SELENOO: variants seen among roughly 807,000 people sequenced by gnomAD.
The protein encoded by SELENOO is protein adenylyltransferase SelO, mitochondrial.
Under a neutral mutation model 58.7 loss-of-function variants are expected in SELENOO, and 74 were observed. The observed-to-expected ratio is 1.26, with a 90% confidence interval of 1.04 to 1.53. The LOEUF (loss-of-function observed/expected upper bound fraction) is 1.53. Ranked by LOEUF, SELENOO falls within the 40% of genes most tolerant of loss-of-function variation. The probability of loss-of-function intolerance (pLI) is 0.00; values close to 1 mark genes in which losing one functional copy is unlikely to be tolerated. For synonymous variants in SELENOO, 543 were observed against 453.2 expected (o/e 1.20, Z -2.52); for missense variants, 1,149 against 970.0 (o/e 1.18, Z -2.45).
At chr22:50,216,187 G>A (rs572140611) in intron 6 of SELENOO, among the ~76,000 whole-genome samples, 1 of 152,336 alleles carries the variant, frequency 6.6e-6, no homozygotes, top group African/African-American at 2.4e-5. Flanking sequence ...ATCTTCCAAA[G>A]GGAAGGGCTG....
rs1020455975 is a variant in SELENOO at position 50,210,842 on chromosome 22, C to G, written c.1282C>G (p.Leu428Val). 6.2e-7 allele frequency: 1 copy of G among 1,614,016 alleles called. No homozygotes were observed. Among genetic ancestry groups the G allele is most frequent in the Non-Finnish European group, 8.5e-7 (1 of 1,180,042 alleles). ...YLQKMRRKLG[L>V]VQVELEEDGA... Reference sequence around the variant, plus strand: ...GCAGAAGATGCGCAGGAAGCTGGGCCTCGTGCAGGTGGAGCTGGAGGAAGA... The same window carrying G: ...GCAGAAGATGCGCAGGAAGCTGGGCGTCGTGCAGGTGGAGCTGGAGGAAGA... Residue 428 changes from leucine to valine, a missense_variant, in exon 5 of 9, where the codon CTC becomes GTC. Leu to Val is a conservative substitution (Grantham distance 32, BLOSUM62 1). Coordinates refer to ENST00000380903, the MANE Select transcript of SELENOO (RefSeq NM_031454.2).
chr22:50,203,726 C>T (rs1391259217), intron 1 of SELENOO, among the ~76,000 whole-genome samples: 1 of 152,136 alleles, frequency 6.6e-6, no homozygotes, highest in African/African-American at 2.4e-5. Flanking sequence ...GACCAAAGAC[C>T]TAAACATAAG....
intron 1 of SELENOO, among the ~76,000 whole-genome samples, chr22:50,203,511 G>A (rs1263715424): frequency 6.6e-6 from 1 of 152,170 alleles, no homozygotes; most frequent in African/African-American, 2.4e-5. Flanking sequence ...GTATGGCATT[G>A]GCATAAGGAT....
chr22:50,209,836 C>T (rs956129370), intron 3 of SELENOO, among the ~76,000 whole-genome samples: 1 of 152,198 alleles, frequency 6.6e-6, no homozygotes, highest in African/African-American at 2.4e-5. Flanking sequence ...CCAGGATGGA[C>T]AGTGGCCTGG....
chr22:50,211,277 C>T (rs371715815), intron 5 of SELENOO, among the ~76,000 whole-genome samples: 1 of 152,186 alleles, frequency 6.6e-6, no homozygotes, highest in African/African-American at 2.4e-5. Context: ...CTGGCTGTTG[C>T]GTACGGTGCA....
In SELENOO at chr22:50,216,817, TGCGGCAGA is replaced by T. The variant is rs1394888877; in HGVS notation, c.1632_1639del (p.Leu547GlnfsTer8). ...AGCAGTCTCGGCTGGAGCAGCTGAG[TGCGGCAGA>T]GCTGCAGAGCAGGAACCAGGGCCAC... On this transcript the variant is annotated frameshift_variant, in exon 7 of 9. Coordinates refer to ENST00000380903, the MANE Select transcript of SELENOO (RefSeq NM_031454.2). LOFTEE classifies it high-confidence loss of function. 5.0e-6 allele frequency: 8 copies of T among 1,608,130 alleles called. No individual in the cohort carries two copies. Among genetic ancestry groups the T allele is most frequent in the African/African-American group, 1.3e-5 (1 of 74,846 alleles).
Position 50,201,284 on chromosome 22 carries a change from C to G in SELENOO, c.248C>G (p.Thr83Ser), listed in dbSNP as rs1479600892. Residue 83 changes from threonine (T) to serine (S), a missense_variant, in exon 1 of 9, where the codon ACC becomes AGC. Physicochemically the swap from Thr to Ser is moderately conservative, Grantham distance 58 (BLOSUM62 1). Transcript: ENST00000380903. ...APRPVPGACF[T>S]RVQPTPLRQP... Reference sequence around the variant, plus strand: ...CGGCCCGTGCCCGGGGCCTGCTTCACCCGCGTGCAGCCCACCCCGCTGCGG... The same window carrying G: ...CGGCCCGTGCCCGGGGCCTGCTTCAGCCGCGTGCAGCCCACCCCGCTGCGG... 2.8e-6 allele frequency: 3 copies of G among 1,081,872 alleles called. No homozygotes were observed. Among genetic ancestry groups the G allele is most frequent in the Non-Finnish European group, 3.4e-6 (3 of 895,440 alleles). 67.0% of individuals were successfully genotyped at this position (1,081,872 alleles called of 1,614,324 possible). A position where few individuals can be genotyped will look rare whatever the true frequency, so the allele number is the denominator to read the frequency against.
At position 50,217,315 on chromosome 22, in the gene SELENOO, C is replaced by T. The variant is rs1261710862; in HGVS notation, c.1956C>T (p.Tyr652=). The T allele has an allele frequency of 6.2e-7, 1 of 1,612,858 alleles. No homozygotes were observed. The change falls in exon 9 of 9, where the codon TAC becomes TAT. Residue 652 remains tyrosine (Y), a synonymous_variant. Transcript: ENST00000380903. ...ADGADGRQRS[Y]SSKPPLWAAE... ...GGGCGGACGGCAGGCAGCGCTCCTACAGCAGTAAGCCCCCGCTCTGGGCAG... is the reference window on the plus strand; with the variant it reads ...GGGCGGACGGCAGGCAGCGCTCCTATAGCAGTAAGCCCCCGCTCTGGGCAG...
Position 50,203,643 on chromosome 22 carries a change from C to T in SELENOO, c.554+2053C>T, listed in dbSNP as rs139728223. Among the ~76,000 whole-genome samples the T allele has an allele frequency of 7.9e-4, 120 of 152,302 alleles. No homozygotes were observed. In the East Asian group the frequency reaches 0.023, roughly 29 times the overall value. Reference sequence around the variant, plus strand: ...GAGAAAGACTTTTCAACAAATGGTGCTGGGAAAACTGGATCCTCATGCAAA... The same window carrying T: ...GAGAAAGACTTTTCAACAAATGGTGTTGGGAAAACTGGATCCTCATGCAAA... On this transcript the variant is annotated intron_variant, in intron 1 of 8. Transcript: ENST00000380903.
In SELENOO at chr22:50,201,362, G is replaced by T; in HGVS notation, c.326G>T (p.Gly109Val). 1 of 1,203,870 alleles carries T rather than the reference G, an allele frequency of 8.3e-7. No individual in the cohort carries two copies. The highest frequency in any genetic ancestry group is 1.0e-6 in the Non-Finnish European group (1 of 971,358). 74.6% of individuals were successfully genotyped at this position (1,203,870 alleles called of 1,614,324 possible). ...SEPALALLGL[G>V]APPAREAEAE... ...CCCGCGCTGGCGTTGCTGGGCCTGG[G>T]CGCGCCGCCCGCGCGCGAGGCCGAG... The change falls in exon 1 of 9, where the codon GGC (glycine) becomes GTC (valine). Residue 109 changes from glycine (G) to valine (V), a missense_variant. Transcript: ENST00000380903.
At chr22:50,205,713 A>G (rs2064328462) in intron 1 of SELENOO, 1 of 152,786 alleles carries the variant, frequency 6.5e-6, no homozygotes, top group African/African-American at 2.4e-5. Context: ...TGGCCTCGGC[A>G]GTTCTGCAGG....
chr22:50,216,187 G>C, intron 6 of SELENOO, among the ~76,000 whole-genome samples: 2 of 152,336 alleles, frequency 1.3e-5, no homozygotes, highest in East Asian at 3.9e-4. Flanking sequence ...ATCTTCCAAA[G>C]GGAAGGGCTG....
chr22:50,207,657 T>G (rs1255448215), intron 2 of SELENOO, among the ~76,000 whole-genome samples: 1 of 150,442 alleles, frequency 6.6e-6, no homozygotes, highest in Non-Finnish European at 1.5e-5. Flanking sequence ...GGCATTGTTG[T>G]GAAGTCCACC....
Position 50,206,069 on chromosome 22 carries a change from C to T in SELENOO, c.555-248C>T, listed in dbSNP as rs951809162. ...CCCTCGTTCTGGGCAGGAAGACGGG[C>T]TGCTGCGTGTGTTCAGGCCCATTTT... On this transcript the variant is annotated intron_variant, in intron 1 of 8. Transcript: ENST00000380903. 1.4e-5 allele frequency: 8 copies of T among 572,268 alleles called. No individual in the cohort carries two copies. In the Admixed American group the frequency reaches 1.5e-4, roughly 11 times the overall value. The allele number at this position is 572,268 out of a possible 1,614,324, so 35.4% of individuals were successfully genotyped here. A position where few individuals can be genotyped will look rare whatever the true frequency, so the allele number is the denominator to read the frequency against.
Position 50,201,213 on chromosome 22 carries a change from C to A in SELENOO, c.177C>A (p.Pro59=). The change falls in exon 1 of 9, where the codon CCC becomes CCA. Residue 59 remains proline, a synonymous_variant. Coordinates refer to ENST00000380903, the MANE Select transcript of SELENOO (RefSeq NM_031454.2). Reference sequence around the variant, plus strand: ...ACAACCGCGCCCTGCGCGCCCTGCCCGTGGAGGCGCCGCCGCCCGGTCCCG... The same window carrying A: ...ACAACCGCGCCCTGCGCGCCCTGCCAGTGGAGGCGCCGCCGCCCGGTCCCG... ...RFDNRALRAL[P]VEAPPPGPEG... 8.5e-7 allele frequency: 1 copy of A among 1,177,136 alleles called. No individual in the cohort carries two copies. Among genetic ancestry groups the A allele is most frequent in the Non-Finnish European group, 1.0e-6 (1 of 954,072 alleles). The allele number at this position is 1,177,136 out of a possible 1,614,324, so 72.9% of individuals were successfully genotyped here.
chr22:50,217,225 A>G lies in SELENOO; in HGVS notation c.1866A>G (p.Leu622=). ...TCCAGGTGCGGCGGGTGCTGAAACT[A>G]CTGGAGACCCCTTACCACTGCGAGG... is the stretch of plus-strand genomic sequence containing the variant. ...DFSEVRRVLK[L]LETPYHCEAG... Residue 622 remains leucine (L), a synonymous_variant, in exon 9 of 9, where the codon CTA becomes CTG. Coordinates refer to ENST00000380903, the MANE Select transcript of SELENOO (RefSeq NM_031454.2). 6.2e-7 allele frequency: 1 copy of G among 1,611,624 alleles called. No homozygotes were observed.
chr22:50,212,168 G>C (rs5771237), intron 5 of SELENOO, among the ~76,000 whole-genome samples: 100,853 of 152,060 alleles, frequency 0.66, 34,592 homozygotes, highest in African/African-American at 0.85. Context: ...GGAGGTATGC[G>C]CACATCTTCC....
intron 5 of SELENOO, among the ~76,000 whole-genome samples, chr22:50,213,410 G>A (rs5771104): frequency 0.4 from 60,605 of 152,006 alleles, 12,074 homozygotes; most frequent in African/African-American, 0.41. Context: ...GACTAGAGAT[G>A]TCAGCCTTTT....
Position 50,217,260 on chromosome 22 carries a change from CCA to C in SELENOO, c.1904_1905del (p.Thr635ArgfsTer20). 6.2e-7 allele frequency: 1 copy of C among 1,612,050 alleles called. No individual in the cohort carries two copies. The stretch of plus-strand genomic sequence containing the variant: ...CCTTACCACTGCGAGGCGGGGGCCG[CCA>C]CAGACGCCGAGGCCACGGAAGCCGA... On this transcript the variant is annotated frameshift_variant, in exon 9 of 9. Transcript: ENST00000380903. LOFTEE classifies it low-confidence loss of function (END_TRUNC).
Sources: gnomAD v4.1 joint callset for allele counts (sites outside exome capture counted in the v4.1 genomes callset) on GRCh38, gnomAD v4.1.1 for gene constraint, MANE v1.5 for transcripts, NCBI Gene and HGNC (gene_info 2026-07-23, HGNC 2026-07-21) for gene names.